Variants in TRABD2A observed in about 807,000 individuals in gnomAD.
TRABD2A encodes TraB domain containing 2A, also known as metalloprotease TIKI1.
A neutral mutation model predicts 45.6 loss-of-function variants in TRABD2A; 43 were observed. That is an observed-to-expected ratio of 0.94 (90% CI 0.74 to 1.22). TRABD2A has a LOEUF of 1.22. Among genes scored for constraint, TRABD2A ranks in the 50% most tolerant of loss-of-function variants. The pLI is 0.00. For synonymous variants in TRABD2A, 269 were observed against 265.0 expected (o/e 1.02, Z -0.15); for missense variants, 642 against 652.4 (o/e 0.98, Z 0.17).
chr2:84,828,722 C>T (rs150662135), intron 5 of TRABD2A, among the ~76,000 whole-genome samples: 217 of 152,342 alleles, frequency 1.4e-3, no homozygotes, highest in African/African-American at 4.2e-3. Context: ...ATTTGAGATC[C>T]CATCATGTGC....
chr2:84,836,038 A>T (rs1681497858), intron 4 of TRABD2A: 1 of 152,346 alleles, frequency 6.6e-6, no homozygotes, highest in Admixed American at 6.5e-5. Context: ...CTCACTTCCC[A>T]TTGCCAAATA....
intron 1 of TRABD2A, among the ~76,000 whole-genome samples, chr2:84,873,633 G>C (rs955039399): frequency 1.7e-4 from 26 of 152,184 alleles, no homozygotes; most frequent in African/African-American, 6.0e-4. Flanking sequence ...CTGTTGGTTA[G>C]AATTAGATCA....
intron 2 of TRABD2A, among the ~76,000 whole-genome samples, chr2:84,842,284 G>A (rs997175953): frequency 6.6e-6 from 1 of 152,168 alleles, no homozygotes; most frequent in African/African-American, 2.4e-5. Context: ...CAAGAGGTGA[G>A]GGAACCCAAG....
At chr2:84,868,006 C>A (rs1388022206) in intron 2 of TRABD2A, among the ~76,000 whole-genome samples, 1 of 152,176 alleles carries the variant, frequency 6.6e-6, no homozygotes, top group Non-Finnish European at 1.5e-5. Flanking sequence ...ACTAGTTCAA[C>A]CATTGTGGAA....
chr2:84,839,469 A>G lies in TRABD2A; in HGVS notation c.817-146T>C, dbSNP rs139370557. On this transcript the variant is annotated intron_variant, in intron 3 of 6. Transcript: ENST00000409520. The stretch of plus-strand genomic sequence containing the variant: ...CCATTCTTGGAGTTTCCTGTCTGCT[A>G]TGTTTCCCACTCTATCACATTCCCT... The G allele has an allele frequency of 1.6e-4, 122 of 760,798 alleles. No individual in the cohort carries two copies. In the African/African-American group the frequency reaches 1.9e-3, roughly 12 times the overall value. 47.1% of individuals were successfully genotyped at this position (760,798 alleles called of 1,614,324 possible). A position where few individuals can be genotyped will look rare whatever the true frequency, so the allele number is the denominator to read the frequency against.
intron 2 of TRABD2A, among the ~76,000 whole-genome samples, chr2:84,853,647 G>T (rs1379731182): frequency 6.6e-6 from 1 of 152,196 alleles, no homozygotes; most frequent in African/African-American, 2.4e-5. Flanking sequence ...AAACACCAAG[G>T]ATAGGTGTCA....
At position 84,851,200 on chromosome 2, in the gene TRABD2A, T is replaced by C. The variant is rs952005543; in HGVS notation, c.670-9193A>G. ...AAATCCAGGCCATCCCAACTAGGGA[T>C]ACAATGGACGTCTGTATCTATGGCA... is the stretch of plus-strand genomic sequence containing the variant. On this transcript the variant is annotated intron_variant, in intron 2 of 6. Coordinates refer to ENST00000409520, the MANE Select transcript of TRABD2A (RefSeq NM_001277053.2). 8.5e-5 allele frequency: 13 copies of C among 152,254 alleles called. 1 individual carries two copies. The highest frequency in any genetic ancestry group is 7.2e-4 in the Admixed American group (11 of 15,292). The allele number at this position is 152,254 out of a possible 1,614,324, so 9.4% of individuals were successfully genotyped here.
Position 84,870,457 on chromosome 2 carries a change from C to A in TRABD2A, c.437G>T (p.Gly146Val). 2 of 1,614,024 alleles carry A rather than the reference C, an allele frequency of 1.2e-6. No homozygotes were observed. Among genetic ancestry groups the A allele is most frequent in the Non-Finnish European group, 1.7e-6 (2 of 1,179,900 alleles). Residue 146 changes from glycine (G) to valine (V), a missense_variant, in exon 2 of 7, where the codon GGG (glycine) becomes GTG (valine). Physicochemically the swap from Gly to Val is moderately radical, Grantham distance 109. Coordinates refer to ENST00000409520, the MANE Select transcript of TRABD2A (RefSeq NM_001277053.2). The part of the protein sequence containing the change: ...LWMTPDQRGK[G>V]LYADYLFNAI... ...ATTGAAGAGGTAGTCTGCGTAGAGC[C>A]CCTTGCCGCGCTGGTCTGGGGTCAT...
At chr2:84,858,582 TG>T (rs1396209861) in intron 2 of TRABD2A, among the ~76,000 whole-genome samples, 1 of 152,214 alleles carries the variant, frequency 6.6e-6, no homozygotes, top group Admixed American at 6.5e-5. Context: ...ACTGGGTTCA[TG>T]AGGATAGGCT....
chr2:84,849,655 CCA>C (rs1182172838), intron 2 of TRABD2A: 1 of 152,250 alleles, frequency 6.6e-6, no homozygotes, highest in African/African-American at 2.4e-5. Context: ...AGGCTGGAAA[CCA>C]CAGACAGGAC....
In TRABD2A at chr2:84,839,271, T is replaced by C. The variant is rs1170915148; in HGVS notation, c.869A>G (p.Gln290Arg). 11 of 1,613,730 alleles carry C rather than the reference T, an allele frequency of 6.8e-6. No individual in the cohort carries two copies. Among genetic ancestry groups the C allele is most frequent in the Non-Finnish European group, 6.8e-6 (8 of 1,179,856 alleles). ...CCGGCGTAAGTAGCTGTCAATCTCC[T>C]GAGCAGTGATGCGCTCCTGAGGTGG... is the stretch of plus-strand genomic sequence containing the variant. ...TLPPQERITA[Q>R]EIDSYLRREL... The change falls in exon 4 of 7, where the codon CAG (glutamine) becomes CGG (arginine). Residue 290 changes from glutamine (Q) to arginine (R), a missense_variant. Physicochemically the swap from Gln to Arg is conservative, Grantham distance 43 (BLOSUM62 1). Coordinates refer to ENST00000409520, the MANE Select transcript of TRABD2A (RefSeq NM_001277053.2).
chr2:84,864,363 C>T (rs2105403052), intron 2 of TRABD2A, among the ~76,000 whole-genome samples: 1 of 152,268 alleles, frequency 6.6e-6, no homozygotes, highest in South Asian at 2.1e-4. Context: ...TTGGGATTCT[C>T]CTGTCCAGCC....
intron 2 of TRABD2A, among the ~76,000 whole-genome samples, chr2:84,853,314 G>A (rs1682162819): frequency 1.3e-5 from 2 of 152,020 alleles, no homozygotes; most frequent in African/African-American, 2.4e-5. Flanking sequence ...ATTGACTCAC[G>A]GTTTTGAAGG....
chr2:84,871,077 A>G (rs1175238389), intron 1 of TRABD2A, among the ~76,000 whole-genome samples: 1 of 152,138 alleles, frequency 6.6e-6, no homozygotes, highest in East Asian at 1.9e-4. Context: ...AGACATTCTG[A>G]TCTGATTGGT....
chr2:84,848,375 T>TAGATAGATAGACAGAC (rs1315427907), intron 2 of TRABD2A, among the ~76,000 whole-genome samples: 46 of 80,582 alleles, frequency 5.7e-4, no homozygotes, highest in Admixed American at 1.7e-3. Flanking sequence ...GATAGATAGA[T>TAGATAGATAGACAGAC]AGACAGACAG....
rs77240642 is a variant in TRABD2A, at chr2:84,873,944, A to C, written c.109-3159T>G. Among the ~76,000 whole-genome samples the C allele has an allele frequency of 3.2e-3, 484 of 152,300 alleles. 5 individuals carry two copies. The highest frequency in any genetic ancestry group is 0.021 in the Admixed American group (317 of 15,296). On this transcript the variant is annotated intron_variant, in intron 1 of 6. Coordinates refer to ENST00000409520, the MANE Select transcript of TRABD2A (RefSeq NM_001277053.2). ...AAGCTGAAATGTTATTATTAAACCC[A>C]TGGACACCTGATTCATTGTCATCTA...
intron 1 of TRABD2A, among the ~76,000 whole-genome samples, chr2:84,878,300 G>A (rs1418598557): frequency 6.6e-6 from 1 of 152,216 alleles, no homozygotes; most frequent in East Asian, 1.9e-4. Flanking sequence ...GCTGAGGCGG[G>A]TGGATCATGA....
chr2:84,849,855 G>T (rs539250952), intron 2 of TRABD2A, among the ~76,000 whole-genome samples: 1 of 152,304 alleles, frequency 6.6e-6, no homozygotes, highest in South Asian at 2.1e-4. Flanking sequence ...ACTCACTCTC[G>T]CCAGAAGGGA....
chr2:84,855,125 C>T (rs1682230879), intron 2 of TRABD2A, among the ~76,000 whole-genome samples: 1 of 152,074 alleles, frequency 6.6e-6, no homozygotes, highest in Admixed American at 6.6e-5. Context: ...TCAAAGAGTA[C>T]ATCTACCCCA....
Sources: allele counts gnomAD v4.1 joint callset (sites outside exome capture counted in the v4.1 genomes callset), GRCh38; gene constraint gnomAD v4.1.1; transcripts MANE v1.5; gene names NCBI Gene and HGNC (gene_info 2026-07-23, HGNC 2026-07-21).